The following ZMYND12 variants were observed in gnomAD, a reference collection of about 807,000 sequenced individuals.
The protein encoded by ZMYND12 is zinc finger MYND domain-containing protein 12.
In ZMYND12, 32 loss-of-function variants were observed where a neutral mutation model predicts 41.7. The ratio of observed to expected loss-of-function variants is 0.77; its 90% CI spans 0.58 to 1.03. The LOEUF (loss-of-function observed/expected upper bound fraction) is 1.03. Among genes scored for constraint, ZMYND12 ranks in the 50% least tolerant of loss-of-function variants. The probability of loss-of-function intolerance (pLI) is 0.00; values close to 1 mark genes in which losing one functional copy is unlikely to be tolerated. For missense variants in ZMYND12, 424 were observed against 438.5 expected (o/e 0.97, Z 0.30); for synonymous variants, 148 against 164.8 (o/e 0.90, Z 0.78).
chr1:42,450,179 G>T (rs1643068917), intron 1 of ZMYND12, 120 bp from the exon 2 acceptor site: 1 of 1,137,032 alleles, frequency 8.8e-7, no homozygotes, highest in East Asian at 2.4e-5. Flanking sequence ...AACCAGGCAG[G>T]GAGCTCAAAG....
At chr1:42,432,050 TTTTC>T (rs1264692284) in intron 7 of ZMYND12, among the ~76,000 whole-genome samples, 2 of 105,360 alleles carry the variant, frequency 1.9e-5, no homozygotes, top group Admixed American at 9.6e-5. Flanking sequence ...CTTCTTTTCT[TTTTC>T]TTTTTCTTTT....
chr1:42,449,918 C>G lies in ZMYND12; in HGVS notation c.252G>C (p.Gln84His). 1.9e-6 allele frequency: 3 copies of G among 1,610,916 alleles called. No individual in the cohort carries two copies. Among genetic ancestry groups the G allele is most frequent in the Non-Finnish European group, 2.5e-6 (3 of 1,180,008 alleles). ...QHGLQQLQQR[Q>H]KYLIEFCYTI... ...CCTTGGAAAGTGCCGTAGGCCCTAC[C>G]TGCCGCTGCTGCAGCTGCTGCAGGC... is the stretch of plus-strand genomic sequence containing the variant. Residue 84 changes from glutamine to histidine, a missense_variant and splice_region_variant, in exon 2 of 8, where the codon CAG (glutamine) becomes CAC (histidine). Physicochemically the swap from Gln to His is conservative, Grantham distance 24. Coordinates refer to ENST00000372565, the MANE Select transcript of ZMYND12 (RefSeq NM_032257.5).
At position 42,448,568 on chromosome 1, in the gene ZMYND12, A is replaced by T; in HGVS notation, c.323T>A (p.Val108Glu). 6.2e-7 allele frequency: 1 copy of T among 1,613,906 alleles called. No homozygotes were observed. Among genetic ancestry groups the T allele is most frequent in the Non-Finnish European group, 8.5e-7 (1 of 1,179,886 alleles). ...YLFEGKHEDA[V>E]PAALQSLRFR... ...GCGAAGGGACTGCAAAGCTGCTGGT[A>T]CAGCATCTTCGTGTTTCCCTTCAAA... Residue 108 changes from valine (V) to glutamate (E), a missense_variant, in exon 3 of 8, where the codon GTA becomes GAA. Val to Glu is a moderately radical substitution (Grantham distance 121, BLOSUM62 -2). Coordinates refer to ENST00000372565, the MANE Select transcript of ZMYND12 (RefSeq NM_032257.5).
At chr1:42,446,557 CAGG>C (rs1231158748) in intron 3 of ZMYND12, among the ~76,000 whole-genome samples, 7 of 151,124 alleles carry the variant, frequency 4.6e-5, no homozygotes. Flanking sequence ...GAGGCTGAGG[CAGG>C]AGAATTGCTT....
intron 3 of ZMYND12, among the ~76,000 whole-genome samples, chr1:42,443,789 A>C (rs1642993897): frequency 6.6e-6 from 1 of 152,204 alleles, no homozygotes; most frequent in African/African-American, 2.4e-5. Flanking sequence ...TTGAGTCTCT[A>C]TCACAATGCA....
At chr1:42,452,055 TG>T (rs1375428976) in intron 1 of ZMYND12, among the ~76,000 whole-genome samples, 1 of 152,180 alleles carries the variant, frequency 6.6e-6, no homozygotes, top group Non-Finnish European at 1.5e-5. Flanking sequence ...GCTATTATCA[TG>T]TTTTTTTTTA....
intron 2 of ZMYND12, among the ~76,000 whole-genome samples, chr1:42,449,500 A>G (rs1643060288): frequency 6.6e-6 from 1 of 152,172 alleles, no homozygotes; most frequent in Non-Finnish European, 1.5e-5. Flanking sequence ...TTATAAAAAG[A>G]GGAAATTGGA....
In ZMYND12 at chr1:42,439,842, C is replaced by T. The variant is rs748865655; in HGVS notation, c.594+14G>A. On this transcript the variant is annotated intron_variant, in intron 4 of 7. Coordinates refer to ENST00000372565, the MANE Select transcript of ZMYND12 (RefSeq NM_032257.5). ...TTTTGGAAATATACAGGTGTTATAA[C>T]TTAGCTTGTTTACATCATTGGCCAG... The T allele has an allele frequency of 2.2e-5, 35 of 1,595,796 alleles. No individual in the cohort carries two copies. The highest frequency in any genetic ancestry group is 2.8e-5 in the Non-Finnish European group (33 of 1,173,218).
chr1:42,441,909 C>T (rs1044508060), intron 3 of ZMYND12, among the ~76,000 whole-genome samples: 7 of 152,156 alleles, frequency 4.6e-5, no homozygotes, highest in South Asian at 4.1e-4. Context: ...CGTGAGCCAC[C>T]GCACCCGGCC....
intron 7 of ZMYND12, 92 bp from the exon 8 acceptor site, chr1:42,430,950 G>A (rs1642842634): frequency 6.5e-7 from 1 of 1,538,778 alleles, no homozygotes; most frequent in Admixed American, 1.8e-5. Context: ...AAACATGAGA[G>A]AGAACTGACC....
rs1470810647 is a variant in ZMYND12, at chr1:42,430,550, T to A, written c.*186A>T. ...CAAACACAGTTTTTAGTGATTTCTA[T>A]GCCTAAAGCTTTATATTCCCTTAAT... is the stretch of plus-strand genomic sequence containing the variant. On this transcript the variant is annotated 3_prime_UTR_variant, in exon 8 of 8. Transcript: ENST00000372565. 9 of 640,550 alleles carry A rather than the reference T, an allele frequency of 1.4e-5. No individual in the cohort carries two copies. The Admixed American group carries it at 2.6e-4, about 19-fold the overall frequency. The allele number at this position is 640,550 out of a possible 1,614,324, so 39.7% of individuals were successfully genotyped here.
intron 1 of ZMYND12, among the ~76,000 whole-genome samples, chr1:42,453,908 T>C (rs1430024254): frequency 6.6e-6 from 1 of 152,092 alleles, no homozygotes; most frequent in East Asian, 1.9e-4. Flanking sequence ...GGCCACTGGG[T>C]CTAGTAAAAG....
At chr1:42,445,716 T>TGTTAAC (rs1193063051) in intron 3 of ZMYND12, among the ~76,000 whole-genome samples, 3 of 152,112 alleles carry the variant, frequency 2.0e-5, no homozygotes, top group African/African-American at 7.2e-5. Flanking sequence ...TGAGAGAATT[T>TGTTAAC]GTTAACGGCT....
At chr1:42,435,183 C>G in intron 6 of ZMYND12, 91 bp downstream of exon 6, 1 of 976,586 alleles carries the variant, frequency 1.0e-6, no homozygotes, top group Non-Finnish European at 1.6e-6. Context: ...TGCTTCATGA[C>G]AGGGACAGCT....
chr1:42,447,641 G>A (rs1266221313), intron 3 of ZMYND12, among the ~76,000 whole-genome samples: 1 of 152,136 alleles, frequency 6.6e-6, no homozygotes, highest in Non-Finnish European at 1.5e-5. Context: ...TAAGGATAGG[G>A]AATCAGGTGA....
intron 4 of ZMYND12, among the ~76,000 whole-genome samples, chr1:42,438,511 T>C (rs1642930894): frequency 6.6e-6 from 1 of 152,114 alleles, no homozygotes; most frequent in African/African-American, 2.4e-5. Context: ...ACACTGTTCC[T>C]GACAGATCAG....
chr1:42,434,786 T>G (rs1374641806), intron 6 of ZMYND12, among the ~76,000 whole-genome samples: 2 of 151,958 alleles, frequency 1.3e-5, no homozygotes, highest in Non-Finnish European at 2.9e-5. Flanking sequence ...TTATGATGCA[T>G]GGTATAATTA....
chr1:42,435,984 A>C (rs539291048), intron 5 of ZMYND12, among the ~76,000 whole-genome samples: 470 of 152,366 alleles, frequency 3.1e-3, no homozygotes, highest in Non-Finnish European at 5.1e-3. Context: ...TATTGGAAAC[A>C]GTTTAAAATA....
chr1:42,448,347 C>T (rs1180271669), intron 3 of ZMYND12, 120 bp downstream of exon 3: 18 of 1,221,720 alleles, frequency 1.5e-5, no homozygotes, highest in Non-Finnish European at 2.0e-5. Context: ...TTACAGCAAC[C>T]CTGCTCCTTC....
Sources: gnomAD v4.1 joint callset for allele counts (sites outside exome capture counted in the v4.1 genomes callset) on GRCh38, gnomAD v4.1.1 for gene constraint, MANE v1.5 for transcripts, NCBI Gene and HGNC (gene_info 2026-07-23, HGNC 2026-07-21) for gene names.